The following MAF variants were observed in gnomAD, a reference collection of about 807,000 sequenced individuals.
MAF encodes transcription factor Maf.
MAF carries 10 observed loss-of-function variants against 22.0 expected under a neutral mutation model. The ratio of observed to expected loss-of-function variants is 0.45; its 90% CI spans 0.28 to 0.77. MAF has a LOEUF of 0.77. Ranked by LOEUF, MAF falls within the 30% of genes least tolerant of loss-of-function variation. The pLI is 0.12. For synonymous variants in MAF, 337 were observed against 255.8 expected (o/e 1.32, Z -3.03); for missense variants, 544 against 548.4 (o/e 0.99, Z 0.08).
At chr16:79,469,997 TG>T in the MAF span, among the ~76,000 whole-genome samples, 7 of 152,240 alleles carry the variant, frequency 4.6e-5, no homozygotes, top group African/African-American at 1.7e-4. Flanking sequence ...TGAATAAGGA[TG>T]GGAACATATA....
At chr16:79,325,072 C>T in the MAF span, among the ~76,000 whole-genome samples, 28 of 152,152 alleles carry the variant, frequency 1.8e-4, no homozygotes, top group Non-Finnish European at 2.5e-4. Context: ...GGAATTAGAG[C>T]CTAACCCAAT....
chr16:79,300,283 G>A, the MAF span, among the ~76,000 whole-genome samples: 14 of 152,208 alleles, frequency 9.2e-5, no homozygotes, highest in African/African-American at 2.2e-4. Flanking sequence ...TTGACCAGGC[G>A]CGGTGGCTCA....
the MAF span, among the ~76,000 whole-genome samples, chr16:79,558,407 T>G: frequency 6.6e-5 from 10 of 152,310 alleles, no homozygotes; most frequent in African/African-American, 2.4e-4. Flanking sequence ...ATCCTTTGCT[T>G]TGGCTAATTA....
the MAF span, among the ~76,000 whole-genome samples, chr16:79,493,140 TTTG>T: frequency 0.026 from 3,365 of 129,356 alleles, 72 homozygotes; most frequent in African/African-American, 0.08. Context: ...CTGTTTTTTT[TTTG>T]TTTTGTTTTG....
At chr16:79,397,253 T>C in the MAF span, among the ~76,000 whole-genome samples, 12 of 152,224 alleles carry the variant, frequency 7.9e-5, no homozygotes, top group African/African-American at 2.9e-4. Flanking sequence ...GTCTTTACCG[T>C]GGTTTTCTTG....
chr16:79,503,860 T>G, the MAF span, among the ~76,000 whole-genome samples: 1 of 152,232 alleles, frequency 6.6e-6, no homozygotes, highest in South Asian at 2.1e-4. Flanking sequence ...TATTTTTACT[T>G]TTTTGGTAAT....
the MAF span, among the ~76,000 whole-genome samples, chr16:79,429,908 A>G: frequency 1.3e-5 from 2 of 152,160 alleles, no homozygotes; most frequent in Non-Finnish European, 2.9e-5. Flanking sequence ...GGATGAATCT[A>G]AACAGCTTTC....
At chr16:79,434,403 T>G in the MAF span, among the ~76,000 whole-genome samples, 1 of 152,164 alleles carries the variant, frequency 6.6e-6, no homozygotes, top group East Asian at 1.9e-4. Context: ...TCATGGTGGC[T>G]GATTTCAAGC....
the MAF span, among the ~76,000 whole-genome samples, chr16:79,277,568 A>G: frequency 2.6e-4 from 40 of 152,304 alleles, no homozygotes; most frequent in South Asian, 6.2e-4. Context: ...GATTAGTACT[A>G]TTAGTACTAT....
the MAF span, among the ~76,000 whole-genome samples, chr16:79,577,966 GA>G: frequency 2.0e-5 from 3 of 152,088 alleles, no homozygotes; most frequent in Non-Finnish European, 4.4e-5. Context: ...CAATACCCTT[GA>G]CATTGGTTAC....
At chr16:79,238,353 T>G in the MAF span, among the ~76,000 whole-genome samples, 1 of 152,142 alleles carries the variant, frequency 6.6e-6, no homozygotes, top group Non-Finnish European at 1.5e-5. Flanking sequence ...GTCCTTCATT[T>G]ACAGATTCCC....
chr16:79,471,536 G>A, the MAF span, among the ~76,000 whole-genome samples: 2 of 152,166 alleles, frequency 1.3e-5, no homozygotes, highest in Non-Finnish European at 2.9e-5. Flanking sequence ...AATTAGTTGG[G>A]CATGGTGGTG....
At chr16:79,209,726 C>T in the MAF span, among the ~76,000 whole-genome samples, 1 of 152,184 alleles carries the variant, frequency 6.6e-6, no homozygotes, top group Admixed American at 6.5e-5. Context: ...GCTGGATGAG[C>T]ATCTCAATTC....
At chr16:79,223,030 T>G in the MAF span, among the ~76,000 whole-genome samples, 1 of 152,172 alleles carries the variant, frequency 6.6e-6, no homozygotes, top group East Asian at 1.9e-4. Context: ...TAATAGACAT[T>G]TACAGAACTC....
chr16:79,530,225 G>A, the MAF span, among the ~76,000 whole-genome samples: 4 of 152,148 alleles, frequency 2.6e-5, no homozygotes, highest in African/African-American at 9.7e-5. Context: ...CACACCTGAA[G>A]ATTCCCATTT....
At chr16:79,310,104 C>A in the MAF span, among the ~76,000 whole-genome samples, 2 of 152,214 alleles carry the variant, frequency 1.3e-5, no homozygotes, top group South Asian at 4.2e-4. Context: ...TGAGCATTTC[C>A]CCCCCGATTT....
the MAF span, among the ~76,000 whole-genome samples, chr16:79,544,477 T>C: frequency 6.6e-6 from 1 of 151,986 alleles, no homozygotes; most frequent in Admixed American, 6.6e-5. Flanking sequence ...TTTTTTCCTA[T>C]AAAAATGTAA....
the MAF span, among the ~76,000 whole-genome samples, chr16:79,492,732 T>C: frequency 8.5e-4 from 129 of 152,048 alleles, 1 homozygote; most frequent in African/African-American, 3.0e-3. Context: ...ATGCAGCGAA[T>C]CTCATAAACA....
chr16:79,519,502 A>G, the MAF span, among the ~76,000 whole-genome samples: 3 of 152,284 alleles, frequency 2.0e-5, no homozygotes, highest in South Asian at 6.2e-4. Flanking sequence ...ACCTTCAAGC[A>G]CGAAGCAGCA....
Sources: gnomAD v4.1 joint callset for allele counts (sites outside exome capture counted in the v4.1 genomes callset) on GRCh38, gnomAD v4.1.1 for gene constraint, MANE v1.5 for transcripts, NCBI Gene and HGNC (gene_info 2026-07-23, HGNC 2026-07-21) for gene names.